DLEC1: variants seen among roughly 807,000 people sequenced by gnomAD.
The protein encoded by DLEC1 is deleted in lung and esophageal cancer protein 1.
In DLEC1, 146 loss-of-function variants were observed where a neutral mutation model predicts 198.1. That is an observed-to-expected ratio of 0.74 (90% CI 0.64 to 0.85). The LOEUF is 0.85. DLEC1 is among the 40% of genes least tolerant of loss of function. The pLI, the probability that DLEC1 is intolerant of heterozygous loss-of-function variation, is 0.00. For synonymous variants in DLEC1, 897 were observed against 866.8 expected, an observed-to-expected ratio of 1.03 and a Z score of -0.61; for missense variants, 2,233 against 2,220.0, an observed-to-expected ratio of 1.01 and a Z score of -0.12.
rs562301765 is a variant in DLEC1 at position 38,117,317 on chromosome 3, G to T, written c.4400+15G>T. ...AGGCCTGCACAGTGAGTCAGCTGGG[G>T]TGCCCCATCTCCTTTCATCCCCATG... On this transcript the variant is annotated intron_variant, in intron 31 of 36. Coordinates refer to ENST00000308059, the MANE Select transcript of DLEC1 (RefSeq NM_007335.4). The T allele has an allele frequency of 6.2e-7, 1 of 1,613,482 alleles. No individual in the cohort carries two copies. The highest frequency in any genetic ancestry group is 1.1e-5 in the South Asian group (1 of 90,996).
intron 19 of DLEC1, among the ~76,000 whole-genome samples, chr3:38,100,939 T>C (rs1559448105): frequency 6.6e-6 from 1 of 151,956 alleles, no homozygotes; most frequent in South Asian, 2.1e-4. Context: ...GTATTGGTAG[T>C]ATTCCTTTTT....
intron 6 of DLEC1, among the ~76,000 whole-genome samples, chr3:38,081,908 TC>T (rs1323511762): frequency 7.3e-6 from 1 of 136,414 alleles, no homozygotes; most frequent in African/African-American, 2.7e-5. Flanking sequence ...CCCCCCCACC[TC>T]CCTCCCGGAC....
In DLEC1 at chr3:38,097,165, T is replaced by C; in HGVS notation, c.2341-17T>C. 6.4e-7 allele frequency: 1 copy of C among 1,557,374 alleles called. No homozygotes were observed. Among genetic ancestry groups the C allele is most frequent in the African/African-American group, 1.4e-5 (1 of 73,568 alleles). On this transcript the variant is annotated splice_polypyrimidine_tract_variant and intron_variant, in intron 15 of 36. Transcript: ENST00000308059. ...AAGGGGCAGTAAATGGGCAGCCTGGTCTCGGGTGTCTTTCAGATGTGGAAC... is the reference window on the plus strand; with the variant it reads ...AAGGGGCAGTAAATGGGCAGCCTGGCCTCGGGTGTCTTTCAGATGTGGAAC...
In DLEC1 at chr3:38,114,475, G is replaced by C; in HGVS notation, c.3785+15G>C. The C allele has an allele frequency of 6.2e-7, 1 of 1,612,006 alleles. No individual in the cohort carries two copies. ...CCAGCCATGAGGTGCTCCATGCTCA[G>C]CCTGAGCCTCTGCTCCCTGGTAGCC... On this transcript the variant is annotated intron_variant, in intron 26 of 36. Transcript: ENST00000308059.
In DLEC1 at chr3:38,059,736, A is replaced by C; in HGVS notation, c.563-6A>C. The C allele has an allele frequency of 6.2e-7, 1 of 1,606,574 alleles. No homozygotes were observed. Among genetic ancestry groups the C allele is most frequent in the South Asian group, 1.1e-5 (1 of 90,616 alleles). ...ACACCTTGTTCTCCCCTTCCCTTCTATGAAGTGAAGAGTGTCTCCAGATGG... is the reference window on the plus strand; with the variant it reads ...ACACCTTGTTCTCCCCTTCCCTTCTCTGAAGTGAAGAGTGTCTCCAGATGG... On this transcript the variant is annotated splice_polypyrimidine_tract_variant and splice_region_variant and intron_variant, in intron 2 of 36. Transcript: ENST00000308059.
chr3:38,084,518 G>A (rs1003076963), intron 7 of DLEC1, among the ~76,000 whole-genome samples: 1 of 78,218 alleles, frequency 1.3e-5, no homozygotes, highest in Non-Finnish European at 2.8e-5. Flanking sequence ...TAGTAGTAGT[G>A]GTAGTAGTAG....
Position 38,122,966 on chromosome 3 carries a change from T to C in DLEC1, c.*554T>C, listed in dbSNP as rs975075169. On this transcript the variant is annotated 3_prime_UTR_variant, in exon 37 of 37. Transcript: ENST00000308059. Reference sequence around the variant, plus strand: ...ACCACCAGTGCTGAGTTTTCCCATGTGGTTTTGCTTTTGTGGTGTTACTGC... The same window carrying C: ...ACCACCAGTGCTGAGTTTTCCCATGCGGTTTTGCTTTTGTGGTGTTACTGC... 2 of 1,423,836 alleles carry C rather than the reference T, an allele frequency of 1.4e-6. No individual in the cohort carries two copies. Among genetic ancestry groups the C allele is most frequent in the East Asian group, 2.3e-5 (1 of 43,892 alleles). The allele number at this position is 1,423,836 out of a possible 1,614,324, so 88.2% of individuals were successfully genotyped here.
chr3:38,101,098 G>A (rs1210555249), intron 19 of DLEC1, among the ~76,000 whole-genome samples: 1 of 152,044 alleles, frequency 6.6e-6, no homozygotes, highest in Non-Finnish European at 1.5e-5. Flanking sequence ...CTCACTGCAA[G>A]TACTGTTTCA....
At chr3:38,066,609 T>G (rs932147161) in intron 6 of DLEC1, among the ~76,000 whole-genome samples, 2 of 152,226 alleles carry the variant, frequency 1.3e-5, no homozygotes. Flanking sequence ...CTTCCCACCT[T>G]CTTGGGGAAT....
At chr3:38,074,517 C>G (rs1194976306) in intron 6 of DLEC1, among the ~76,000 whole-genome samples, 1 of 152,200 alleles carries the variant, frequency 6.6e-6, no homozygotes, top group Non-Finnish European at 1.5e-5. Context: ...TGGGTAGTTT[C>G]TTTAAGCTTG....
At chr3:38,120,759 C>T in intron 34 of DLEC1, 150 bp downstream of exon 34, 3 of 1,158,490 alleles carry the variant, frequency 2.6e-6, no homozygotes. Context: ...TAGAAGAGGC[C>T]CTGTGTGCAG....
intron 2 of DLEC1, among the ~76,000 whole-genome samples, chr3:38,058,234 C>T (rs949696897): frequency 6.6e-6 from 1 of 152,198 alleles, no homozygotes; most frequent in African/African-American, 2.4e-5. Flanking sequence ...CAAACACTCC[C>T]ATATCTTCTT....
chr3:38,064,705 C>G (rs1262428800), intron 6 of DLEC1, among the ~76,000 whole-genome samples: 338 of 145,422 alleles, frequency 2.3e-3, no homozygotes, highest in African/African-American at 8.2e-3. Flanking sequence ...CAGACGGGGT[C>G]GCGGCCGGGC....
Position 38,117,072 on chromosome 3 carries a change from C to T in DLEC1, c.4277C>T (p.Ala1426Val). The T allele has an allele frequency of 6.2e-7, 1 of 1,614,098 alleles. No homozygotes were observed. Among genetic ancestry groups the T allele is most frequent in the Non-Finnish European group, 8.5e-7 (1 of 1,179,982 alleles). ...CACAAGGTGGAGTGTACTGGCTACG[C>T]CCTGGGTTTCATGAGCTTGGACAGC... Reference protein sequence around the residue: ...ILHKVECTGYALGFMSLDSKV... With the variant: ...ILHKVECTGYVLGFMSLDSKV... The change falls in exon 30 of 37, where the codon GCC becomes GTC. Residue 1426 changes from alanine to valine, a missense_variant. Ala to Val is a moderately conservative substitution (Grantham distance 64, BLOSUM62 0). Transcript: ENST00000308059.
At chr3:38,046,563 T>C (rs1201689321) in intron 2 of DLEC1, among the ~76,000 whole-genome samples, 1 of 152,196 alleles carries the variant, frequency 6.6e-6, no homozygotes, top group African/African-American at 2.4e-5. Context: ...ATTAAACCTC[T>C]TTTTCTTTAT....
chr3:38,063,994 TTC>T (rs1696843786), intron 6 of DLEC1, 75 bp downstream of exon 6: 2 of 1,066,592 alleles, frequency 1.9e-6, no homozygotes, highest in South Asian at 1.5e-5. Flanking sequence ...TATGGAAATT[TTC>T]TTTTTTTTTT....
chr3:38,116,369 G>C (rs1700157494), intron 27 of DLEC1, 84 bp from the exon 28 acceptor site: 1 of 1,360,814 alleles, frequency 7.3e-7, no homozygotes, highest in African/African-American at 1.4e-5. Context: ...GGTCATCTCT[G>C]TCTGGGGGTA....
At position 38,115,009 on chromosome 3, in the gene DLEC1, A is replaced by G; in HGVS notation, c.3812A>G (p.Asp1271Gly). Residue 1271 changes from aspartate to glycine, a missense_variant, in exon 27 of 37, where the codon GAC becomes GGC. Coordinates refer to ENST00000308059, the MANE Select transcript of DLEC1 (RefSeq NM_007335.4). Reference sequence around the variant, plus strand: ...TTCGGCACCCAGGTCTCCGGAGGAGACACAGTTACCCGAACCCTTCGCCTG... The same window carrying G: ...TTCGGCACCCAGGTCTCCGGAGGAGGCACAGTTACCCGAACCCTTCGCCTG... Reference protein sequence around the residue: ...MRFGTQVSGGDTVTRTLRLNN... With the variant: ...MRFGTQVSGGGTVTRTLRLNN... The G allele has an allele frequency of 1.2e-6, 2 of 1,613,778 alleles. No homozygotes were observed. Among genetic ancestry groups the G allele is most frequent in the Middle Eastern group, 1.7e-4 (1 of 6,060 alleles).
chr3:38,095,089 T>G lies in DLEC1; in HGVS notation c.2112+18T>G. 1 of 1,613,374 alleles carries G rather than the reference T, an allele frequency of 6.2e-7. No individual in the cohort carries two copies. ...CTCATGAGGTTCAGATGGTGTCATC[T>G]CAGTAGCCACACATGGTTGGATCAT... On this transcript the variant is annotated intron_variant, in intron 13 of 36. Coordinates refer to ENST00000308059, the MANE Select transcript of DLEC1 (RefSeq NM_007335.4).
Sources: gnomAD v4.1 joint callset for allele counts (sites outside exome capture counted in the v4.1 genomes callset) on GRCh38, gnomAD v4.1.1 for gene constraint, MANE v1.5 for transcripts, NCBI Gene and HGNC (gene_info 2026-07-23, HGNC 2026-07-21) for gene names.